GALNTL6: variants seen among roughly 807,000 people sequenced by gnomAD.
The protein encoded by GALNTL6 is polypeptide N-acetylgalactosaminyltransferase like 6.
In GALNTL6, 46 loss-of-function variants were observed where a neutral mutation model predicts 73.7. The observed-to-expected ratio is 0.62, with a 90% confidence interval of 0.49 to 0.80. GALNTL6 has a LOEUF of 0.80. Ranked by LOEUF, GALNTL6 falls within the 30% of genes least tolerant of loss-of-function variation. The pLI, the probability that GALNTL6 is intolerant of heterozygous loss-of-function variation, is 0.00. For synonymous variants in GALNTL6, 259 were observed against 263.7 expected (o/e 0.98, Z 0.17); for missense variants, 604 against 755.0 (o/e 0.80, Z 2.34).
At chr4:172,306,753 G>C (rs542767106) in intron 3 of GALNTL6, among the ~76,000 whole-genome samples, 2 of 152,252 alleles carry the variant, frequency 1.3e-5, no homozygotes, top group African/African-American at 4.8e-5. Flanking sequence ...TTAAAATGAT[G>C]GTCTACAGCT....
intron 5 of GALNTL6, among the ~76,000 whole-genome samples, chr4:172,607,777 A>G: frequency 6.6e-6 from 1 of 152,124 alleles, no homozygotes; most frequent in East Asian, 1.9e-4. Context: ...TACTTTTTAA[A>G]AATAGCCATT....
intron 5 of GALNTL6, among the ~76,000 whole-genome samples, chr4:172,553,392 G>C (rs1450507035): frequency 6.6e-6 from 1 of 152,124 alleles, no homozygotes; most frequent in East Asian, 1.9e-4. Flanking sequence ...GATGAGAACT[G>C]TTATCTGACT....
chr4:172,399,041 A>G (rs547205739), intron 5 of GALNTL6, among the ~76,000 whole-genome samples: 10 of 152,126 alleles, frequency 6.6e-5, no homozygotes, highest in Non-Finnish European at 1.5e-4. Context: ...TAATATAAAT[A>G]TGTTAAAATA....
intron 11 of GALNTL6, among the ~76,000 whole-genome samples, chr4:173,019,952 G>A (rs1183708527): frequency 1.3e-5 from 2 of 152,234 alleles, no homozygotes; most frequent in Non-Finnish European, 2.9e-5. Flanking sequence ...AGTGCATAGT[G>A]TATTATCTGC....
At chr4:172,219,223 A>AT (rs56923371) in intron 2 of GALNTL6, among the ~76,000 whole-genome samples, 7 of 142,052 alleles carry the variant, frequency 4.9e-5, no homozygotes, top group Admixed American at 1.4e-4. Context: ...ATATATATAT[A>AT]ATCCTTCTGT....
At chr4:172,111,067 C>T (rs139959163) in intron 2 of GALNTL6, among the ~76,000 whole-genome samples, 1 of 151,746 alleles carries the variant, frequency 6.6e-6, no homozygotes, top group African/African-American at 2.4e-5. Flanking sequence ...TTCAAAGAGC[C>T]CTCTTCTCAC....
chr4:172,455,914 C>T (rs754295269), intron 5 of GALNTL6, among the ~76,000 whole-genome samples: 2 of 152,154 alleles, frequency 1.3e-5, no homozygotes, highest in African/African-American at 2.4e-5. Context: ...GAGACACCTC[C>T]CAGCAGGGGT....
rs937961000 is a variant in GALNTL6, at chr4:173,040,929, G to A, written c.*829G>A. 4.6e-5 allele frequency: 7 copies of A among 152,550 alleles called. No individual in the cohort carries two copies. Among genetic ancestry groups the A allele is most frequent in the Admixed American group, 2.0e-4 (3 of 15,272 alleles). 9.4% of individuals were successfully genotyped at this position (152,550 alleles called of 1,614,324 possible). ...AAAACCATATAAGATTTAGGAGAGG[G>A]ACTTCCCTGGGAAATCTATTTTTAC... On this transcript the variant is annotated 3_prime_UTR_variant, in exon 13 of 13. Transcript: ENST00000506823.
intron 5 of GALNTL6, among the ~76,000 whole-genome samples, chr4:172,613,993 A>C (rs1220489404): frequency 6.6e-6 from 1 of 152,170 alleles, no homozygotes. Flanking sequence ...AAAATGAATT[A>C]TATTCATTTA....
intron 5 of GALNTL6, among the ~76,000 whole-genome samples, chr4:172,453,355 A>G (rs1352488007): frequency 6.6e-6 from 1 of 152,258 alleles, no homozygotes; most frequent in Non-Finnish European, 1.5e-5. Flanking sequence ...AAAGGAATGC[A>G]TGGAAAAGGT....
intron 5 of GALNTL6, among the ~76,000 whole-genome samples, chr4:172,632,231 C>T (rs1455246567): frequency 1.3e-5 from 2 of 152,130 alleles, no homozygotes; most frequent in Non-Finnish European, 2.9e-5. Flanking sequence ...GTAAAGACAG[C>T]CAAAATTGTG....
intron 2 of GALNTL6, among the ~76,000 whole-genome samples, chr4:171,916,581 A>G (rs1737639002): frequency 6.6e-6 from 1 of 152,140 alleles, no homozygotes; most frequent in South Asian, 2.1e-4. Context: ...TGTTTGTACA[A>G]CTGGCTTCCT....
intron 2 of GALNTL6, among the ~76,000 whole-genome samples, chr4:172,170,283 A>G (rs933813675): frequency 4.6e-5 from 7 of 152,138 alleles, no homozygotes; most frequent in Admixed American, 2.6e-4. Flanking sequence ...TGCTGTTCTC[A>G]TGATAGTGAG....
chr4:172,568,627 G>T (rs1319701829), intron 5 of GALNTL6, among the ~76,000 whole-genome samples: 2 of 151,366 alleles, frequency 1.3e-5, no homozygotes, highest in East Asian at 3.9e-4. Flanking sequence ...GCGTGATGGT[G>T]GGCGCCTGTA....
intron 2 of GALNTL6, among the ~76,000 whole-genome samples, chr4:172,214,419 C>T (rs986067249): frequency 5.3e-5 from 8 of 151,772 alleles, no homozygotes; most frequent in South Asian, 4.1e-4. Flanking sequence ...ATTTCATCAA[C>T]GCTTTTTCAA....
At chr4:172,131,712 TG>T (rs1055162605) in intron 2 of GALNTL6, among the ~76,000 whole-genome samples, 7 of 151,990 alleles carry the variant, frequency 4.6e-5, no homozygotes, top group African/African-American at 1.7e-4. Flanking sequence ...GTAGATTCTT[TG>T]GGTGTGTTTT....
chr4:172,309,418 G>GT (rs1740271445), intron 3 of GALNTL6, among the ~76,000 whole-genome samples: 1 of 50,780 alleles, frequency 2.0e-5, no homozygotes, highest in Non-Finnish European at 6.2e-5. Context: ...TTTTTAAAAA[G>GT]TGTTTTTAAA....
At chr4:172,785,074 G>A (rs1330844364) in intron 5 of GALNTL6, among the ~76,000 whole-genome samples, 1 of 152,136 alleles carries the variant, frequency 6.6e-6, no homozygotes, top group Non-Finnish European at 1.5e-5. Flanking sequence ...ATATCTGATA[G>A]AGAACAGAAA....
At chr4:172,578,689 A>G (rs1737053108) in intron 5 of GALNTL6, among the ~76,000 whole-genome samples, 1 of 152,228 alleles carries the variant, frequency 6.6e-6, no homozygotes, top group Admixed American at 6.5e-5. Flanking sequence ...GTGGTTTCAC[A>G]AAATCCCTCA....
Sources: gnomAD v4.1 joint callset for allele counts (sites outside exome capture counted in the v4.1 genomes callset) on GRCh38, gnomAD v4.1.1 for gene constraint, MANE v1.5 for transcripts, NCBI Gene and HGNC (gene_info 2026-07-23, HGNC 2026-07-21) for gene names.